KCNK6: variants seen among roughly 807,000 people sequenced by gnomAD.
KCNK6 encodes the protein potassium two pore domain channel subfamily K member 6, also known as potassium channel subfamily K member 6.
In KCNK6, 20 loss-of-function variants were observed where a neutral mutation model predicts 21.9. That is an observed-to-expected ratio of 0.91 (90% CI 0.64 to 1.32). The LOEUF (loss-of-function observed/expected upper bound fraction) is 1.32. Among genes scored for constraint, KCNK6 ranks in the 40% most tolerant of loss-of-function variants. KCNK6 has a pLI of 0.00. For synonymous variants in KCNK6, 210 were observed against 218.0 expected, an observed-to-expected ratio of 0.96 and a Z score of 0.32; for missense variants, 415 against 433.1, an observed-to-expected ratio of 0.96 and a Z score of 0.37.
At position 38,320,279 on chromosome 19, in the gene KCNK6, A is replaced by G; in HGVS notation, c.322+7A>G. ...ACGCTGATCACCACCGTGGGTACGT[A>G]AGCGCCTCACCGCAAGGCGGCGAGG... On this transcript the variant is annotated splice_region_variant and intron_variant, in intron 1 of 2. Transcript: ENST00000263372. 1.9e-6 allele frequency: 3 copies of G among 1,604,700 alleles called. No individual in the cohort carries two copies. Among genetic ancestry groups the G allele is most frequent in the Non-Finnish European group, 2.5e-6 (3 of 1,179,136 alleles).
chr19:38,320,253 C>T lies in KCNK6; in HGVS notation c.303C>T (p.Ser101=), dbSNP rs1209732874. 1 of 1,606,406 alleles carries T rather than the reference C, an allele frequency of 6.2e-7. No homozygotes were observed. ...TCGCCTCTGCTCTCTTCTTCGCCAG[C>T]ACGCTGATCACCACCGTGGGTACGT... is the stretch of plus-strand genomic sequence containing the variant. ...WDFASALFFA[S]TLITTVGYGY... is the part of the protein sequence containing the mutation. Residue 101 remains serine, a synonymous_variant, in exon 1 of 3, where the codon AGC becomes AGT. Coordinates refer to ENST00000263372, the MANE Select transcript of KCNK6 (RefSeq NM_004823.3).
In KCNK6 at chr19:38,331,394, G is replaced by A. The variant is rs1354003578; in HGVS notation, c.*3991G>A. The A allele has an allele frequency of 1.3e-5, 2 of 152,326 alleles. No individual in the cohort carries two copies. Among genetic ancestry groups the A allele is most frequent in the Non-Finnish European group, 2.9e-5 (2 of 68,234 alleles). 9.4% of individuals were successfully genotyped at this position (152,326 alleles called of 1,614,324 possible). A position where few individuals can be genotyped will look rare whatever the true frequency, so the allele number is the denominator to read the frequency against. On this transcript the variant is annotated 3_prime_UTR_variant, in exon 3 of 3. Coordinates refer to ENST00000263372, the MANE Select transcript of KCNK6 (RefSeq NM_004823.3). ...TAATTCCAGTACTTTGGGAGGCCGA[G>A]GCGGGCGGATCACAAGGTCAGGAGA... is the stretch of plus-strand genomic sequence containing the variant.
intron 1 of KCNK6, among the ~76,000 whole-genome samples, chr19:38,323,592 T>G (rs560231686): frequency 2.6e-4 from 39 of 152,238 alleles, no homozygotes; most frequent in African/African-American, 8.7e-4. Context: ...ACTACCACAT[T>G]TGAGGAAGGG....
chr19:38,326,844 T>G lies in KCNK6; in HGVS notation c.574T>G (p.Phe192Val), dbSNP rs535132553. Residue 192 changes from phenylalanine (F) to valine (V), a missense_variant, in exon 2 of 3, where the codon TTT becomes GTT. Physicochemically the swap from Phe to Val is conservative, Grantham distance 50. Transcript: ENST00000263372. ...CTGCTTTCTGGTGCCGGCTGTGATC[T>G]TTGCCCACCTCGAGGAGGCCTGGAG... ...TVCFLVPAVI[F>V]AHLEEAWSFL... 8.1e-6 allele frequency: 13 copies of G among 1,611,024 alleles called. No homozygotes were observed. In the Admixed American group the frequency reaches 1.5e-4, roughly 19 times the overall value.
Position 38,320,958 on chromosome 19 carries a change from G to A in KCNK6, c.322+686G>A, listed in dbSNP as rs760381242. ...GACCTCCAGCAAGGACCCAGGACACGCCACCCTCCAAGGGAGATCCTTGCC... is the reference window on the plus strand; with the variant it reads ...GACCTCCAGCAAGGACCCAGGACACACCACCCTCCAAGGGAGATCCTTGCC... On this transcript the variant is annotated intron_variant, in intron 1 of 2. Transcript: ENST00000263372. Among the ~76,000 whole-genome samples, 5 of 152,016 alleles carry A rather than the reference G, an allele frequency of 3.3e-5. No homozygotes were observed. The South Asian group carries it at 6.2e-4, about 19-fold the overall frequency.
rs957987339 is a variant in KCNK6 at position 38,326,526 on chromosome 19, G to A, written c.323-67G>A. On this transcript the variant is annotated intron_variant, in intron 1 of 2. Coordinates refer to ENST00000263372, the MANE Select transcript of KCNK6 (RefSeq NM_004823.3). ...TGATGGCACCGCTGCACTCCAGCCC[G>A]GGTGACAGAGTGACCCCCATCTCTA... 34 of 1,513,950 alleles carry A rather than the reference G, an allele frequency of 2.2e-5. No individual in the cohort carries two copies. The Admixed American group carries it at 2.8e-4, about 12-fold the overall frequency. 93.8% of individuals were successfully genotyped at this position (1,513,950 alleles called of 1,614,324 possible). A position where few individuals can be genotyped will look rare whatever the true frequency, so the allele number is the denominator to read the frequency against.
In KCNK6 at chr19:38,327,172, CT is replaced by C; in HGVS notation, c.719-5del. On this transcript the variant is annotated splice_polypyrimidine_tract_variant and splice_region_variant and intron_variant, in intron 2 of 2. Transcript: ENST00000263372. Reference sequence around the variant, plus strand: ...AGGATGACCAACGCCCCTTCTCCGCCTTTACAGTCTACCTCTTCCTGGGCCT... The same window carrying C: ...AGGATGACCAACGCCCCTTCTCCGCCTTACAGTCTACCTCTTCCTGGGCCT... 1 of 1,610,816 alleles carries C rather than the reference CT, an allele frequency of 6.2e-7. No homozygotes were observed. Among genetic ancestry groups the C allele is most frequent in the Non-Finnish European group, 8.5e-7 (1 of 1,179,958 alleles).
chr19:38,331,833 T>C lies in KCNK6; in HGVS notation c.*4430T>C, dbSNP rs892762758. On this transcript the variant is annotated 3_prime_UTR_variant, in exon 3 of 3. Coordinates refer to ENST00000263372, the MANE Select transcript of KCNK6 (RefSeq NM_004823.3). ...ACAAGTAGTACCTAATATGGTGAGG[T>C]TGTTATGATTACAGACTCTGGAGGC... 2.0e-5 allele frequency: 3 copies of C among 152,230 alleles called. No homozygotes were observed. The highest frequency in any genetic ancestry group is 6.5e-5 in the Admixed American group (1 of 15,282). 9.4% of individuals were successfully genotyped at this position (152,230 alleles called of 1,614,324 possible).
chr19:38,323,202 T>C (rs1423705257), intron 1 of KCNK6, among the ~76,000 whole-genome samples: 1 of 152,198 alleles, frequency 6.6e-6, no homozygotes, highest in Non-Finnish European at 1.5e-5. Flanking sequence ...AAACTGGGCC[T>C]ACTTAAGGAC....
intron 1 of KCNK6, chr19:38,325,314 A>T: frequency 1.4e-6 from 1 of 735,584 alleles, no homozygotes; most frequent in Non-Finnish European, 1.7e-6. Context: ...ACGGGGTTTC[A>T]CCATATTGGT....
intron 1 of KCNK6, chr19:38,324,999 C>G (rs1350941799): frequency 6.6e-6 from 1 of 151,712 alleles, no homozygotes; most frequent in Non-Finnish European, 1.5e-5. Flanking sequence ...TAAATACATT[C>G]ATATTGTTAC....
At chr19:38,320,362 C>A in intron 1 of KCNK6, 90 bp downstream of exon 1, 1 of 1,361,264 alleles carries the variant, frequency 7.3e-7, no homozygotes, top group Admixed American at 2.1e-5. Flanking sequence ...TCACGAATAC[C>A]CTTATCCCAA....
At chr19:38,322,289 G>A (rs1185715111) in intron 1 of KCNK6, among the ~76,000 whole-genome samples, 1 of 152,208 alleles carries the variant, frequency 6.6e-6, no homozygotes, top group East Asian at 1.9e-4. Flanking sequence ...GCTAACACTT[G>A]TTAAAAATGG....
intron 1 of KCNK6, among the ~76,000 whole-genome samples, chr19:38,322,326 A>G (rs1252088639): frequency 6.6e-6 from 1 of 152,250 alleles, no homozygotes; most frequent in African/African-American, 2.4e-5. Flanking sequence ...AGGAGAGACC[A>G]TTGCAAAGGC....
chr19:38,327,987 CAGT>C lies in KCNK6; in HGVS notation c.*585_*587del, dbSNP rs1855284804. The C allele has an allele frequency of 1.9e-5, 3 of 156,848 alleles. No homozygotes were observed. The highest frequency in any genetic ancestry group is 1.3e-4 in the Admixed American group (2 of 15,966). The allele number at this position is 156,848 out of a possible 1,614,324, so 9.7% of individuals were successfully genotyped here. A position where few individuals can be genotyped will look rare whatever the true frequency, so the allele number is the denominator to read the frequency against. On this transcript the variant is annotated 3_prime_UTR_variant, in exon 3 of 3. Transcript: ENST00000263372. ...TGGAGAACTGCCCTTATGGAGCTTG[CAGT>C]CCAGTGAGGTGGACAGACCTGTCCC...
At chr19:38,320,795 G>A (rs1969643076) in intron 1 of KCNK6, among the ~76,000 whole-genome samples, 2 of 152,076 alleles carry the variant, frequency 1.3e-5, no homozygotes, top group Admixed American at 1.3e-4. Flanking sequence ...CTGACTTCAG[G>A]TGATCAGCCC....
Position 38,328,355 on chromosome 19 carries a change from A to C in KCNK6, c.*952A>C, listed in dbSNP as rs1027732284. On this transcript the variant is annotated 3_prime_UTR_variant, in exon 3 of 3. Coordinates refer to ENST00000263372, the MANE Select transcript of KCNK6 (RefSeq NM_004823.3). ...GGACCCCAGCCCAGATCTGAATGGCATGGGAGGTGCTGCCCTTAACCATGA... is the reference window on the plus strand; with the variant it reads ...GGACCCCAGCCCAGATCTGAATGGCCTGGGAGGTGCTGCCCTTAACCATGA... 2.0e-5 allele frequency: 3 copies of C among 152,298 alleles called. No individual in the cohort carries two copies. The highest frequency in any genetic ancestry group is 7.2e-5 in the African/African-American group (3 of 41,456). 9.4% of individuals were successfully genotyped at this position (152,298 alleles called of 1,614,324 possible). A position where few individuals can be genotyped will look rare whatever the true frequency, so the allele number is the denominator to read the frequency against.
rs1160077922 is a variant in KCNK6 at position 38,330,030 on chromosome 19, T to G, written c.*2627T>G. 6.6e-6 allele frequency: 1 copy of G among 152,164 alleles called. No homozygotes were observed. Among genetic ancestry groups the G allele is most frequent in the Non-Finnish European group, 1.5e-5 (1 of 68,086 alleles). The allele number at this position is 152,164 out of a possible 1,614,324, so 9.4% of individuals were successfully genotyped here. Reference sequence around the variant, plus strand: ...GTGGGGCAAAAGGGACACCCAGGGGTGTATCAAGAGGTCATAGGGGGCAGG... The same window carrying G: ...GTGGGGCAAAAGGGACACCCAGGGGGGTATCAAGAGGTCATAGGGGGCAGG... On this transcript the variant is annotated 3_prime_UTR_variant, in exon 3 of 3. Transcript: ENST00000263372.
intron 1 of KCNK6, among the ~76,000 whole-genome samples, chr19:38,321,331 C>G (rs1969649816): frequency 6.6e-6 from 1 of 152,206 alleles, no homozygotes; most frequent in Non-Finnish European, 1.5e-5. Flanking sequence ...ACCCCAGACA[C>G]AAAACCCTTC....
Sources: allele counts gnomAD v4.1 joint callset (sites outside exome capture counted in the v4.1 genomes callset), GRCh38; gene constraint gnomAD v4.1.1; transcripts MANE v1.5; gene names NCBI Gene and HGNC (gene_info 2026-07-23, HGNC 2026-07-21).